DPP10: variants seen among roughly 807,000 people sequenced by gnomAD.
DPP10 encodes the protein dipeptidyl peptidase like 10.
DPP10 carries 33 observed loss-of-function variants against 120.9 expected under a neutral mutation model. The observed-to-expected ratio is 0.27, with a 90% confidence interval of 0.21 to 0.37. DPP10 has a LOEUF of 0.37. DPP10 is among the 10% of genes least tolerant of loss of function. The pLI, the probability that DPP10 is intolerant of heterozygous loss-of-function variation, is 1.00. For synonymous variants in DPP10, 337 were observed against 326.1 expected (o/e 1.03, Z -0.36); for missense variants, 816 against 942.8 (o/e 0.87, Z 1.76).
intron 1 of DPP10, among the ~76,000 whole-genome samples, chr2:115,021,541 T>C (rs534714414): frequency 6.6e-6 from 1 of 151,780 alleles, no homozygotes; most frequent in Non-Finnish European, 1.5e-5. Flanking sequence ...TGACAAAAAC[T>C]GTATGTGACC....
intron 1 of DPP10, among the ~76,000 whole-genome samples, chr2:114,689,840 C>CT (rs1013065893): frequency 1.4e-4 from 21 of 150,614 alleles, no homozygotes; most frequent in East Asian, 5.9e-4. Flanking sequence ...TGATGCTGAG[C>CT]TTTTTTTTTC....
intron 5 of DPP10, among the ~76,000 whole-genome samples, chr2:115,668,640 T>A (rs73946589): frequency 6.6e-6 from 1 of 152,160 alleles, no homozygotes; most frequent in Non-Finnish European, 1.5e-5. Flanking sequence ...CTGATTTACC[T>A]TATGTTTAAA....
At chr2:115,577,885 A>C (rs1179157360) in intron 5 of DPP10, among the ~76,000 whole-genome samples, 1 of 152,212 alleles carries the variant, frequency 6.6e-6, no homozygotes, top group Non-Finnish European at 1.5e-5. Context: ...CCTGTATCTA[A>C]ATGCAGTCAC....
chr2:115,430,847 T>C (rs2070909868), intron 3 of DPP10, among the ~76,000 whole-genome samples: 1 of 152,204 alleles, frequency 6.6e-6, no homozygotes, highest in Non-Finnish European at 1.5e-5. Flanking sequence ...CCTACATTCA[T>C]AGTATTTGAC....
In DPP10 at chr2:115,163,374, A is replaced by G. The variant is rs1304188082; in HGVS notation, c.61-145865A>G. 2.6e-5 allele frequency among the ~76,000 whole-genome samples: 4 copies of G among 152,276 alleles called. No homozygotes were observed. The East Asian group carries it at 7.8e-4, about 30-fold the overall frequency. ...CTTTTCTCTCACATGTGTTTCACACAGGTGGTGGGGATTACTCAATGACTT... is the reference window on the plus strand; with the variant it reads ...CTTTTCTCTCACATGTGTTTCACACGGGTGGTGGGGATTACTCAATGACTT... On this transcript the variant is annotated intron_variant, in intron 1 of 25. Transcript: ENST00000410059.
intron 13 of DPP10, among the ~76,000 whole-genome samples, chr2:115,769,737 G>A (rs1487586298): frequency 6.6e-6 from 1 of 151,666 alleles, no homozygotes; most frequent in Non-Finnish European, 1.5e-5. Flanking sequence ...ATATAAGTCA[G>A]GTATAATTAA....
At chr2:115,614,723 T>C (rs1329594416) in intron 5 of DPP10, among the ~76,000 whole-genome samples, 2 of 152,128 alleles carry the variant, frequency 1.3e-5, no homozygotes, top group Non-Finnish European at 1.5e-5. Flanking sequence ...GAATTCTAAC[T>C]TGGCAAGGCT....
intron 1 of DPP10, among the ~76,000 whole-genome samples, chr2:115,303,534 C>A (rs1270189573): frequency 6.6e-6 from 1 of 151,824 alleles, no homozygotes; most frequent in Non-Finnish European, 1.5e-5. Flanking sequence ...CCCAGCATAT[C>A]CAGCACCTTT....
chr2:114,618,593 GTAT>G (rs1414615469), intron 1 of DPP10, among the ~76,000 whole-genome samples: 1 of 151,954 alleles, frequency 6.6e-6, no homozygotes, highest in African/African-American at 2.4e-5. Context: ...TAAAAGTCTT[GTAT>G]GCTAGCAACA....
At chr2:115,394,379 T>C (rs7578669) in intron 3 of DPP10, among the ~76,000 whole-genome samples, 122,575 of 151,168 alleles carry the variant, frequency 0.81, 49,925 homozygotes, top group Admixed American at 0.86. Context: ...CTTGGAGGTA[T>C]TCTTTTGAGA....
intron 1 of DPP10, among the ~76,000 whole-genome samples, chr2:114,898,525 G>T (rs1238475440): frequency 6.6e-6 from 1 of 151,868 alleles, no homozygotes; most frequent in Non-Finnish European, 1.5e-5. Context: ...AAAAAATAAA[G>T]GTGGTAGGAA....
chr2:115,051,634 T>G (rs1284589759), intron 1 of DPP10, among the ~76,000 whole-genome samples: 1 of 152,196 alleles, frequency 6.6e-6, no homozygotes, highest in Admixed American at 6.5e-5. Flanking sequence ...CTATCTGATT[T>G]AAAAGACAAT....
chr2:115,479,643 GTA>G (rs35279399), intron 3 of DPP10, among the ~76,000 whole-genome samples: 1 of 150,818 alleles, frequency 6.6e-6, no homozygotes, highest in African/African-American at 2.4e-5. Context: ...AAACACACAT[GTA>G]TATATATATA....
At chr2:114,507,719 T>G (rs1479071686) in intron 1 of DPP10, among the ~76,000 whole-genome samples, 2 of 152,172 alleles carry the variant, frequency 1.3e-5, no homozygotes, top group African/African-American at 4.8e-5. Flanking sequence ...GTACCACTGA[T>G]TAACGTGGCA....
intron 1 of DPP10, among the ~76,000 whole-genome samples, chr2:114,825,281 C>T (rs900830312): frequency 6.6e-6 from 1 of 152,068 alleles, no homozygotes; most frequent in South Asian, 2.1e-4. Flanking sequence ...AGGAAAATGT[C>T]ATGAAAGAGG....
At chr2:115,708,651 C>G (rs958490803) in intron 7 of DPP10, among the ~76,000 whole-genome samples, 6 of 151,910 alleles carry the variant, frequency 3.9e-5, no homozygotes, top group African/African-American at 1.5e-4. Context: ...AAAATTTTCA[C>G]CATCTTCTAA....
chr2:114,986,902 C>G (rs1017031862), intron 1 of DPP10, among the ~76,000 whole-genome samples: 1 of 152,088 alleles, frequency 6.6e-6, no homozygotes, highest in Non-Finnish European at 1.5e-5. Flanking sequence ...TCCCAAGTAG[C>G]TGGGGATTAC....
intron 3 of DPP10, among the ~76,000 whole-genome samples, chr2:115,437,402 A>C (rs2071592315): frequency 1.3e-5 from 2 of 152,150 alleles, no homozygotes; most frequent in South Asian, 4.1e-4. Flanking sequence ...ATCTCATCTC[A>C]TGCCATTCAA....
chr2:114,729,649 C>T (rs1676692852), intron 1 of DPP10, among the ~76,000 whole-genome samples: 1 of 152,210 alleles, frequency 6.6e-6, no homozygotes, highest in South Asian at 2.1e-4. Context: ...AGAGTGAGGT[C>T]CAGAAATGTG....
Sources: gnomAD v4.1 joint callset for allele counts (sites outside exome capture counted in the v4.1 genomes callset) on GRCh38, gnomAD v4.1.1 for gene constraint, MANE v1.5 for transcripts, NCBI Gene and HGNC (gene_info 2026-07-23, HGNC 2026-07-21) for gene names.